The following THSD7B variants were observed in gnomAD, a reference collection of about 807,000 sequenced individuals.
The protein encoded by THSD7B is thrombospondin type 1 domain containing 7B.
Under a neutral mutation model 213.6 loss-of-function variants are expected in THSD7B, and 138 were observed. The observed-to-expected ratio is 0.65, with a 90% CI of 0.56 to 0.74. The LOEUF (loss-of-function observed/expected upper bound fraction) is 0.74, where lower values mean the gene tolerates loss of function less well. Among genes scored for constraint, THSD7B ranks in the 30% least tolerant of loss-of-function variants. THSD7B has a pLI of 0.00. For synonymous variants in THSD7B, 742 were observed against 687.0 expected (o/e 1.08, Z -1.25); for missense variants, 1,931 against 1,991.5 (o/e 0.97, Z 0.58).
At chr2:136,976,788 A>T (rs537148997) in intron 2 of THSD7B, among the ~76,000 whole-genome samples, 1 of 152,000 alleles carries the variant, frequency 6.6e-6, no homozygotes, top group Admixed American at 6.5e-5. Context: ...CGCCTGGCTA[A>T]TTTTTTGTAT....
chr2:136,983,723 T>C (rs12615204), intron 2 of THSD7B, among the ~76,000 whole-genome samples: 86,016 of 152,108 alleles, frequency 0.57, 26,031 homozygotes, highest in East Asian at 0.94. Flanking sequence ...ATTTTAAAAA[T>C]AGAAGCTGTG....
intron 1 of THSD7B, among the ~76,000 whole-genome samples, chr2:136,866,944 C>CT (rs36020398): frequency 0.66 from 100,046 of 150,926 alleles, 33,389 homozygotes; most frequent in Middle Eastern, 0.83. Flanking sequence ...TAGCCCAGTT[C>CT]TTTTTTTTTC....
intron 2 of THSD7B, among the ~76,000 whole-genome samples, chr2:136,965,275 T>C (rs1399677135): frequency 6.6e-6 from 1 of 152,180 alleles, no homozygotes; most frequent in Non-Finnish European, 1.5e-5. Context: ...AGAACAAAGA[T>C]AACTAATTTG....
Position 137,231,342 on chromosome 2 carries a change from C to T in THSD7B, c.1915+107C>T, listed in dbSNP as rs142791597. On this transcript the variant is annotated intron_variant, in intron 8 of 27. Transcript: ENST00000409968. ...TATGGAGGAAATAGTCACACATAGA[C>T]GATATCTCTATTCCCTGAATCCAGA... The T allele has an allele frequency of 1.0e-3, 1,114 of 1,062,306 alleles. 6 individuals are homozygous for T. The African/African-American group carries it at 0.011, about 10-fold the overall frequency. The allele number at this position is 1,062,306 out of a possible 1,614,324, so 65.8% of individuals were successfully genotyped here.
At position 137,072,511 on chromosome 2, in the gene THSD7B, G is replaced by A. The variant is rs1435194452; in HGVS notation, c.950+15281G>A. 4.8e-4 allele frequency among the ~76,000 whole-genome samples: 73 copies of A among 152,226 alleles called. No individual in the cohort carries two copies. In the East Asian group the frequency reaches 0.012, roughly 25 times the overall value. On this transcript the variant is annotated intron_variant, in intron 3 of 27. Coordinates refer to ENST00000409968, the MANE Select transcript of THSD7B (RefSeq NM_001316349.2). ...GCTTAAGGAGATTTTGGGCTGAGAT[G>A]ATGGGGTTTTCTAGATATACAATCA... is the stretch of plus-strand genomic sequence containing the variant.
At chr2:137,269,009 C>T (rs1476630235) in intron 10 of THSD7B, among the ~76,000 whole-genome samples, 2 of 152,056 alleles carry the variant, frequency 1.3e-5, no homozygotes, top group African/African-American at 4.8e-5. Flanking sequence ...CTAAATATGT[C>T]CATTGCAAAG....
intron 27 of THSD7B, among the ~76,000 whole-genome samples, chr2:137,673,978 C>A (rs893538633): frequency 1.3e-5 from 2 of 152,130 alleles, no homozygotes; most frequent in African/African-American, 4.8e-5. Context: ...TATTAGTAGC[C>A]CCCGCTGGCC....
intron 12 of THSD7B, among the ~76,000 whole-genome samples, chr2:137,331,834 C>T (rs985180447): frequency 1.9e-4 from 29 of 152,300 alleles, no homozygotes; most frequent in Middle Eastern, 3.4e-3. Flanking sequence ...GTACACCCTC[C>T]GCAGCCGCTG....
At chr2:137,023,900 A>G (rs1391763306) in intron 2 of THSD7B, among the ~76,000 whole-genome samples, 1 of 151,322 alleles carries the variant, frequency 6.6e-6, no homozygotes, top group Admixed American at 6.6e-5. Flanking sequence ...AATGAACAAG[A>G]CATTTCTCTT....
At chr2:137,496,626 G>A (rs1028520554) in intron 15 of THSD7B, among the ~76,000 whole-genome samples, 1 of 151,922 alleles carries the variant, frequency 6.6e-6, no homozygotes, top group East Asian at 1.9e-4. Flanking sequence ...TAAAAACCAC[G>A]GGCAATATTT....
At chr2:137,296,995 A>G (rs1380381967) in intron 12 of THSD7B, among the ~76,000 whole-genome samples, 2 of 150,906 alleles carry the variant, frequency 1.3e-5, no homozygotes, top group Non-Finnish European at 1.5e-5. Context: ...TGCCTTTTCT[A>G]TTTTTGTCTC....
At chr2:137,401,622 TTTTC>T (rs1476311108) in intron 12 of THSD7B, among the ~76,000 whole-genome samples, 3 of 150,094 alleles carry the variant, frequency 2.0e-5, no homozygotes, top group Non-Finnish European at 2.9e-5. Flanking sequence ...CTGCTGAGTT[TTTTC>T]TTTCTTTCTT....
chr2:137,397,783 C>T (rs1686231450), intron 12 of THSD7B, among the ~76,000 whole-genome samples: 1 of 150,568 alleles, frequency 6.6e-6, no homozygotes, highest in Non-Finnish European at 1.5e-5. Flanking sequence ...GTTCCATTCT[C>T]CCCATCACTT....
chr2:137,090,955 C>T (rs182716191), intron 3 of THSD7B, among the ~76,000 whole-genome samples: 3 of 152,282 alleles, frequency 2.0e-5, no homozygotes, highest in Admixed American at 2.0e-4. Context: ...CCATCTAATG[C>T]TCCTTTTACT....
chr2:137,498,575 C>T (rs916281717), intron 15 of THSD7B, among the ~76,000 whole-genome samples: 1 of 151,830 alleles, frequency 6.6e-6, no homozygotes. Flanking sequence ...ATCTTTGGAT[C>T]TATTGGATGG....
At chr2:136,956,037 GA>G (rs397985964) in intron 2 of THSD7B, among the ~76,000 whole-genome samples, 10,425 of 126,612 alleles carry the variant, frequency 0.082, 556 homozygotes, top group African/African-American at 0.19. Context: ...AAAAAAAAAA[GA>G]AAAAAAAAAA....
intron 1 of THSD7B, among the ~76,000 whole-genome samples, chr2:136,791,834 T>C (rs936915736): frequency 9.9e-5 from 15 of 152,100 alleles, no homozygotes; most frequent in Admixed American, 6.6e-5. Flanking sequence ...TTATGAATAA[T>C]GCTGCTACGA....
chr2:136,766,235 G>C (rs1055214025), intron 1 of THSD7B, among the ~76,000 whole-genome samples: 3 of 152,188 alleles, frequency 2.0e-5, no homozygotes, highest in African/African-American at 7.2e-5. Flanking sequence ...GGATAGCTGA[G>C]CAAGCCAAGA....
intron 2 of THSD7B, among the ~76,000 whole-genome samples, chr2:137,039,472 A>G (rs1686839246): frequency 6.6e-6 from 1 of 152,212 alleles, no homozygotes; most frequent in Admixed American, 6.5e-5. Context: ...TTGTTGCTAA[A>G]CATCCTGCAA....
Sources: gnomAD v4.1 joint callset for allele counts (sites outside exome capture counted in the v4.1 genomes callset) on GRCh38, gnomAD v4.1.1 for gene constraint, MANE v1.5 for transcripts, NCBI Gene and HGNC (gene_info 2026-07-23, HGNC 2026-07-21) for gene names.